Variants in PIWIL1 observed in about 807,000 individuals in gnomAD.
PIWIL1 encodes piwi-like protein 1.
Under a neutral mutation model 114.4 loss-of-function variants are expected in PIWIL1, and 73 were observed. The ratio of observed to expected loss-of-function variants is 0.64; its 90% CI spans 0.53 to 0.78. The LOEUF (loss-of-function observed/expected upper bound fraction) is 0.78, where lower values mean the gene tolerates loss of function less well. Among genes scored for constraint, PIWIL1 ranks in the 30% least tolerant of loss-of-function variants. The pLI is 0.00. For synonymous variants in PIWIL1, 375 were observed against 369.0 expected (o/e 1.02, Z -0.19); for missense variants, 723 against 1,063.1 (o/e 0.68, Z 4.45).
intron 12 of PIWIL1, 59 bp downstream of exon 12, chr12:130,355,726 C>T (rs1424715185): frequency 8.4e-7 from 1 of 1,193,106 alleles, no homozygotes; most frequent in Non-Finnish European, 1.3e-6. Flanking sequence ...CGCTCTGTCC[C>T]CCAGGCAGGA....
downstream of PIWIL1, among the ~76,000 whole-genome samples, chr12:130,372,967 C>T (rs12303515): frequency 1.7e-3 from 261 of 152,296 alleles, no homozygotes; most frequent in African/African-American, 6.0e-3. Context: ...TTTAAACTAA[C>T]GCAGATCACT....
At chr12:130,379,940 T>G in the PIWIL1 span, among the ~76,000 whole-genome samples, 1 of 59,462 alleles carries the variant, frequency 1.7e-5, no homozygotes, top group Non-Finnish European at 3.1e-5. Flanking sequence ...ATCCAAGCAT[T>G]GACAGTTCCT....
At chr12:130,414,971 C>CAT in the PIWIL1 span, among the ~76,000 whole-genome samples, 1 of 152,156 alleles carries the variant, frequency 6.6e-6, no homozygotes, top group Non-Finnish European at 1.5e-5. Context: ...ATTCTACCAA[C>CAT]ATACAAAGAA....
At chr12:130,406,109 AAC>A in the PIWIL1 span, 12 of 1,112,782 alleles carry the variant, frequency 1.1e-5, no homozygotes, top group Admixed American at 5.5e-5. Flanking sequence ...AGCAAAACAA[AAC>A]ACACAAAATA....
chr12:130,412,951 G>A, the PIWIL1 span, among the ~76,000 whole-genome samples: 1 of 152,170 alleles, frequency 6.6e-6, no homozygotes, highest in East Asian at 1.9e-4. Context: ...CTGTGGATGT[G>A]TACATGTAAC....
the PIWIL1 span, chr12:130,383,705 TA>T: frequency 1.3e-5 from 2 of 152,212 alleles, no homozygotes; most frequent in African/African-American, 4.8e-5. Context: ...CTTAGAAACC[TA>T]TCGTGTGGTT....
At chr12:130,421,691 ATGTG>A in the PIWIL1 span, among the ~76,000 whole-genome samples, 839 of 147,092 alleles carry the variant, frequency 5.7e-3, 2 homozygotes, top group South Asian at 9.3e-3. Context: ...CTGCATTTAT[ATGTG>A]TGTGTGTGTG....
At chr12:130,348,080 C>G (rs1245097296) in intron 6 of PIWIL1, 23 bp from the exon 7 acceptor site, 3 of 1,479,126 alleles carry the variant, frequency 2.0e-6, no homozygotes, top group Non-Finnish European at 2.8e-6. Flanking sequence ...TCAATATTCA[C>G]TCTCTGACCT....
chr12:130,355,136 G>A, intron 11 of PIWIL1, 131 bp downstream of exon 11: 2 of 696,040 alleles, frequency 2.9e-6, no homozygotes, highest in Non-Finnish European at 2.6e-6. Flanking sequence ...TTTGGGGTGG[G>A]CTTGTTCTTC....
intron 16 of PIWIL1, among the ~76,000 whole-genome samples, chr12:130,361,874 A>G (rs570715743): frequency 7.9e-5 from 12 of 152,294 alleles, no homozygotes; most frequent in South Asian, 4.1e-4. Flanking sequence ...TTGTTTAATA[A>G]TATTTACTGG....
At chr12:130,377,772 C>T in the PIWIL1 span, among the ~76,000 whole-genome samples, 12,678 of 152,240 alleles carry the variant, frequency 0.083, 741 homozygotes, top group South Asian at 0.2. Context: ...GCCTGAGGTA[C>T]CTTAGCACAA....
chr12:130,368,202 T>C (rs945883526), intron 19 of PIWIL1, among the ~76,000 whole-genome samples: 1 of 152,194 alleles, frequency 6.6e-6, no homozygotes, highest in African/African-American at 2.4e-5. Context: ...CATTCTAAGT[T>C]GACACTGTAC....
intron 18 of PIWIL1, among the ~76,000 whole-genome samples, chr12:130,364,065 G>A (rs2073589621): frequency 6.6e-6 from 1 of 152,190 alleles, no homozygotes; most frequent in Non-Finnish European, 1.5e-5. Flanking sequence ...AATAAAATGT[G>A]TACCATCGCA....
downstream of PIWIL1, among the ~76,000 whole-genome samples, chr12:130,375,118 C>T (rs758494148): frequency 6.6e-6 from 1 of 152,160 alleles, no homozygotes; most frequent in African/African-American, 2.4e-5. Context: ...ACTTTATGCT[C>T]CCCGAGCTCC....
the PIWIL1 span, chr12:130,422,437 T>C: frequency 1.3e-6 from 2 of 1,570,176 alleles, no homozygotes; most frequent in Non-Finnish European, 1.8e-6. The surrounding 1 kb of genome is among the most constrained non-coding windows in gnomAD (Gnocchi z 5.2). Context: ...ACAACAGCGA[T>C]GATGGGGCCA....
rs1214459474 is a variant in PIWIL1, at chr12:130,337,914, G to C, written c.-245G>C. On this transcript the variant is annotated 5_prime_UTR_variant, in exon 1 of 21. Coordinates refer to ENST00000245255, the MANE Select transcript of PIWIL1 (RefSeq NM_004764.5). ...TACTGGGCGTATGGCGTACAGACAC[G>C]AGGCCGGCGCCCGGGAGGCGGTGTT... 1 of 160,476 alleles carries C rather than the reference G, an allele frequency of 6.2e-6. No individual in the cohort carries two copies. Among genetic ancestry groups the C allele is most frequent in the East Asian group, 1.9e-4 (1 of 5,188 alleles). The allele number at this position is 160,476 out of a possible 1,614,324, so 9.9% of individuals were successfully genotyped here.
At chr12:130,411,579 T>C in the PIWIL1 span, among the ~76,000 whole-genome samples, 3 of 152,180 alleles carry the variant, frequency 2.0e-5, no homozygotes, top group East Asian at 5.8e-4. Flanking sequence ...AACTGATAAA[T>C]CAAGTTACCG....
Position 130,363,018 on chromosome 12 carries a change from A to T in PIWIL1, c.2069A>T (p.Asn690Ile), listed in dbSNP as rs762423292. 1 of 1,614,228 alleles carries T rather than the reference A, an allele frequency of 6.2e-7. No individual in the cohort carries two copies. The highest frequency in any genetic ancestry group is 8.5e-7 in the Non-Finnish European group (1 of 1,180,044). The change falls in exon 18 of 21, where the codon AAT (asparagine) becomes ATT (isoleucine). Residue 690 changes from asparagine to isoleucine, a missense_variant. Asn to Ile is a moderately radical substitution (Grantham distance 149, BLOSUM62 -3). Around this residue, in one of 8 missense-constraint regions of PIWIL1, gnomAD observed 31 missense variants for 30.2 expected, o/e 1.03. Coordinates refer to ENST00000245255, the MANE Select transcript of PIWIL1 (RefSeq NM_004764.5). ...GCTCTGAGGGCTTGGAATAGCTGCAATGAGTACATGCCCAGCCGGATCATC... is the reference window on the plus strand; with the variant it reads ...GCTCTGAGGGCTTGGAATAGCTGCATTGAGTACATGCCCAGCCGGATCATC... ...QAALRAWNSC[N>I]EYMPSRIIVY...
chr12:130,348,890 T>A (rs2073140973), intron 7 of PIWIL1, among the ~76,000 whole-genome samples: 1 of 151,936 alleles, frequency 6.6e-6, no homozygotes, highest in Non-Finnish European at 1.5e-5. Context: ...AGCGAGACAC[T>A]AAGAAAATAA....
Sources: allele counts gnomAD v4.1 joint callset (sites outside exome capture counted in the v4.1 genomes callset), GRCh38; gene constraint gnomAD v4.1.1; regional missense constraint gnomAD v4.1.1; non-coding constraint Gnocchi (gnomAD v3.1); transcripts MANE v1.5; gene names NCBI Gene and HGNC (gene_info 2026-07-23, HGNC 2026-07-21).